TYW1: variants seen among roughly 807,000 people sequenced by gnomAD.
TYW1 encodes the protein tRNA-yW synthesizing protein 1 homolog, also known as S-adenosyl-L-methionine-dependent tRNA 4-demethylwyosine synthase TYW1.
In TYW1, 46 loss-of-function variants were observed where a neutral mutation model predicts 96.2. The observed-to-expected ratio is 0.48, with a 90% CI of 0.38 to 0.61. The LOEUF (loss-of-function observed/expected upper bound fraction) is 0.61. Ranked by LOEUF, TYW1 falls within the 20% of genes least tolerant of loss-of-function variation. The probability of loss-of-function intolerance (pLI) is 0.00; values close to 1 mark genes in which losing one functional copy is unlikely to be tolerated. For missense variants in TYW1, 684 were observed against 909.6 expected (o/e 0.75, Z 3.19); for synonymous variants, 274 against 323.0 (o/e 0.85, Z 1.63).
intron 7 of TYW1, among the ~76,000 whole-genome samples, chr7:67,045,108 AG>A (rs1190651438): frequency 6.6e-6 from 1 of 152,148 alleles, no homozygotes; most frequent in Non-Finnish European, 1.5e-5. Flanking sequence ...TCAGCAAATC[AG>A]GTTTTGGCCT....
chr7:67,032,650 C>G (rs78967849), intron 7 of TYW1, among the ~76,000 whole-genome samples: 5,266 of 151,922 alleles, frequency 0.035, 267 homozygotes, highest in East Asian at 0.16. Flanking sequence ...TGGGGAAGTT[C>G]TTACTTGATC....
At chr7:67,014,174 G>T (rs1793926226) in intron 4 of TYW1, among the ~76,000 whole-genome samples, 193 bp from the exon 5 acceptor site, 1 of 152,186 alleles carries the variant, frequency 6.6e-6, no homozygotes, top group South Asian at 2.1e-4. Context: ...AGGAGCAAGG[G>T]ACTGGGTTTT....
intron 15 of TYW1, among the ~76,000 whole-genome samples, chr7:67,219,316 C>T (rs919969780): frequency 1.3e-5 from 2 of 152,022 alleles, no homozygotes; most frequent in East Asian, 1.9e-4. Flanking sequence ...ATTTTTGTGT[C>T]AGTATTCAAA....
rs1584529652 is a variant in TYW1 at position 67,074,996 on chromosome 7, T to C, written c.1274+7593T>C. The stretch of plus-strand genomic sequence containing the variant: ...ATGTGCCACCATGCCAGCTGATTTT[T>C]GTATTTTTAATAACTGGGATTACAG... On this transcript the variant is annotated intron_variant, in intron 10 of 15. Coordinates refer to ENST00000359626, the MANE Select transcript of TYW1 (RefSeq NM_018264.4). 2.0e-5 allele frequency among the ~76,000 whole-genome samples: 3 copies of C among 152,220 alleles called. No individual in the cohort carries two copies. In the East Asian group the frequency reaches 5.8e-4, roughly 29 times the overall value.
intron 10 of TYW1, among the ~76,000 whole-genome samples, chr7:67,071,426 A>ATTTTTTT: frequency 6.8e-6 from 1 of 146,264 alleles, no homozygotes. Flanking sequence ...TTGCAGATTG[A>ATTTTTTT]CTCTGTCTTG....
At chr7:67,189,499 G>T (rs1164322827) in intron 14 of TYW1, among the ~76,000 whole-genome samples, 2 of 151,154 alleles carry the variant, frequency 1.3e-5, no homozygotes, top group South Asian at 2.1e-4. Context: ...GTCAGATCTG[G>T]GGTCTCCCAT....
At chr7:67,197,727 G>A (rs1483071426) in intron 15 of TYW1, among the ~76,000 whole-genome samples, 3 of 152,170 alleles carry the variant, frequency 2.0e-5, no homozygotes, top group South Asian at 2.1e-4. Flanking sequence ...TTAAGCCCTG[G>A]CATCTGACTC....
chr7:67,064,811 A>T (rs996504723), intron 9 of TYW1, among the ~76,000 whole-genome samples: 26 of 152,216 alleles, frequency 1.7e-4, no homozygotes, highest in Admixed American at 1.1e-3. Context: ...TTTTCAACAA[A>T]TGCTGCTGGA....
chr7:67,154,470 A>ATATAGTATT (rs552738692), intron 13 of TYW1, among the ~76,000 whole-genome samples: 34,979 of 145,104 alleles, frequency 0.24, 4,771 homozygotes, highest in African/African-American at 0.35. Context: ...GTTTTGCTGG[A>ATATAGTATT]TTTGATAAGC....
intron 7 of TYW1, among the ~76,000 whole-genome samples, chr7:67,029,420 T>TAC (rs1178670060): frequency 7.8e-4 from 92 of 118,412 alleles, no homozygotes; most frequent in African/African-American, 1.3e-3. Context: ...TGTGTGTATA[T>TAC]ATATATATAT....
chr7:67,099,949 C>T (rs944760128), intron 12 of TYW1, among the ~76,000 whole-genome samples: 5 of 152,024 alleles, frequency 3.3e-5, no homozygotes, highest in Non-Finnish European at 7.4e-5. Context: ...TTTCAGTGAG[C>T]CGAGATCGCA....
At chr7:67,206,570 G>A (rs1200216072) in intron 15 of TYW1, among the ~76,000 whole-genome samples, 1 of 151,938 alleles carries the variant, frequency 6.6e-6, no homozygotes, top group East Asian at 1.9e-4. Context: ...GGCAGAGGTT[G>A]CAGTGAGCCA....
At chr7:67,189,226 G>A (rs981568647) in intron 14 of TYW1, among the ~76,000 whole-genome samples, 19 of 152,260 alleles carry the variant, frequency 1.2e-4, no homozygotes, top group Admixed American at 9.2e-4. Context: ...CTGTAAATGC[G>A]GGAGTGGCGT....
At chr7:67,073,260 ATTT>A (rs1216945591) in intron 10 of TYW1, among the ~76,000 whole-genome samples, 1 of 152,064 alleles carries the variant, frequency 6.6e-6, no homozygotes, top group Non-Finnish European at 1.5e-5. Flanking sequence ...GTCTCGAGAT[ATTT>A]TTTATTGTTA....
intron 7 of TYW1, among the ~76,000 whole-genome samples, chr7:67,041,675 A>T (rs563417315): frequency 6.6e-6 from 1 of 152,316 alleles, no homozygotes; most frequent in East Asian, 1.9e-4. Context: ...GACACACCAC[A>T]TGAAATTGCC....
intron 12 of TYW1, chr7:67,114,298 A>G (rs1454236854): frequency 1.9e-5 from 3 of 154,168 alleles, no homozygotes; most frequent in African/African-American, 7.2e-5. Context: ...ATTTCTTACA[A>G]ACATAAATCT....
chr7:67,047,852 G>C, intron 7 of TYW1, among the ~76,000 whole-genome samples: 1 of 140,170 alleles, frequency 7.1e-6, no homozygotes, highest in East Asian at 2.1e-4. Context: ...CAGTGGCACA[G>C]TCTTGGCTCA....
At chr7:67,148,750 T>C (rs544417937) in intron 13 of TYW1, among the ~76,000 whole-genome samples, 2 of 152,276 alleles carry the variant, frequency 1.3e-5, no homozygotes, top group South Asian at 4.1e-4. Context: ...GATTTTTATT[T>C]GTTCTAGGTC....
intron 13 of TYW1, among the ~76,000 whole-genome samples, chr7:67,119,465 C>A (rs149229648): frequency 2.0e-5 from 3 of 152,190 alleles, no homozygotes; most frequent in Non-Finnish European, 4.4e-5. Flanking sequence ...GTTACCATTT[C>A]TGCACATGTA....
Sources: allele counts gnomAD v4.1 joint callset (sites outside exome capture counted in the v4.1 genomes callset), GRCh38; gene constraint gnomAD v4.1.1; transcripts MANE v1.5; gene names NCBI Gene and HGNC (gene_info 2026-07-23, HGNC 2026-07-21).